Variants in COL23A1 observed in about 807,000 individuals in gnomAD.
The protein encoded by COL23A1 is collagen alpha-1(XXIII) chain.
In COL23A1, 97 loss-of-function variants were observed where a neutral mutation model predicts 99.3. The observed-to-expected ratio is 0.98, with a 90% confidence interval of 0.83 to 1.16. The LOEUF is 1.16. Among genes scored for constraint, COL23A1 ranks in the 50% most tolerant of loss-of-function variants. COL23A1 has a pLI of 0.00. For synonymous variants in COL23A1, 320 were observed against 308.2 expected (o/e 1.04, Z -0.40); for missense variants, 762 against 757.4 (o/e 1.01, Z -0.07).
At position 178,255,080 on chromosome 5, in the gene COL23A1, G is replaced by GTCT; in HGVS notation, c.883-55_883-54insAGA. On this transcript the variant is annotated intron_variant, in intron 15 of 28. Transcript: ENST00000390654. This position sits in a 1 kb window ranked among gnomAD's most constrained non-coding sequence, Gnocchi z 4.2. ...AGGGAAGAGCTACACTGAGTTGGAG[G>GTCT]TGAAGTGGCAGCTGTCCCTGCATCA... 5 of 1,450,606 alleles carry GTCT rather than the reference G, an allele frequency of 3.4e-6. No homozygotes were observed. In the Admixed American group the frequency reaches 8.4e-5, roughly 24 times the overall value. The allele number at this position is 1,450,606 out of a possible 1,614,324, so 89.9% of individuals were successfully genotyped here.
At position 178,331,510 on chromosome 5, in the gene COL23A1, G is replaced by A. The variant is rs76263321; in HGVS notation, c.362-24591C>T. On this transcript the variant is annotated intron_variant, in intron 2 of 28. Coordinates refer to ENST00000390654, the MANE Select transcript of COL23A1 (RefSeq NM_173465.4). ...ATGATGCCCTGCATAGCAGGCACCC[G>A]GCCAGGTGCCTCAGAGCCCTGTAAA... 8.4e-3 allele frequency among the ~76,000 whole-genome samples: 1,274 copies of A among 152,302 alleles called. 17 individuals carry two copies. Among genetic ancestry groups the A allele is most frequent in the African/African-American group, 0.029 (1,212 of 41,566 alleles).
In COL23A1 at chr5:178,358,403, ATG is replaced by A. The variant is rs764160730; in HGVS notation, c.362-51486_362-51485del. ...GTCTAATGTGTGTATGTGTATGTGT[ATG>A]TGTGTATGTGTATGTGTGTGTATGT... On this transcript the variant is annotated intron_variant, in intron 2 of 28. Coordinates refer to ENST00000390654, the MANE Select transcript of COL23A1 (RefSeq NM_173465.4). Among the ~76,000 whole-genome samples the A allele has an allele frequency of 1.3e-3, 139 of 106,312 alleles. No individual in the cohort carries two copies. In the East Asian group the frequency reaches 0.014, roughly 11 times the overall value. The allele number at this position is 106,312 out of a possible 152,430, so 69.7% of individuals were successfully genotyped here. A position where few individuals can be genotyped will look rare whatever the true frequency, so the allele number is the denominator to read the frequency against.
chr5:178,358,753 C>CTGTGTG (rs1338637265), intron 2 of COL23A1, among the ~76,000 whole-genome samples: 2 of 135,054 alleles, frequency 1.5e-5, no homozygotes, highest in African/African-American at 5.6e-5. Flanking sequence ...GTGTGTGTAT[C>CTGTGTG]TGTGTGTGTG....
intron 2 of COL23A1, among the ~76,000 whole-genome samples, chr5:178,343,274 GAAGAGA>G (rs1294178993): frequency 6.6e-6 from 1 of 152,188 alleles, no homozygotes; most frequent in African/African-American, 2.4e-5. Flanking sequence ...CTAAGATCCA[GAAGAGA>G]AAGAGAGTGA....
intron 2 of COL23A1, among the ~76,000 whole-genome samples, chr5:178,411,108 C>T (rs995898305): frequency 1.3e-4 from 20 of 152,098 alleles, no homozygotes; most frequent in South Asian, 2.1e-4. Context: ...TTCACACCCA[C>T]TAGGAAGGTT....
At chr5:178,354,020 G>A (rs1413392544) in intron 2 of COL23A1, among the ~76,000 whole-genome samples, 1 of 152,050 alleles carries the variant, frequency 6.6e-6, no homozygotes, top group Non-Finnish European at 1.5e-5. Context: ...GTTTGCATGA[G>A]CCTAAAACAC....
At chr5:178,502,422 C>T (rs761487581) in intron 2 of COL23A1, among the ~76,000 whole-genome samples, 75 of 152,192 alleles carry the variant, frequency 4.9e-4, no homozygotes, top group Non-Finnish European at 8.7e-4. Flanking sequence ...TGAGCCACTG[C>T]GCCCAGCCAA....
At position 178,448,146 on chromosome 5, in the gene COL23A1, C is replaced by T. The variant is rs375218079; in HGVS notation, c.361+112536G>A. ...TGTTCTGTTAGTGCTAGTCGCAGTCCGTTTTGTTCTGTTAGTGCTAGTCGC... is the reference window on the plus strand; with the variant it reads ...TGTTCTGTTAGTGCTAGTCGCAGTCTGTTTTGTTCTGTTAGTGCTAGTCGC... On this transcript the variant is annotated intron_variant, in intron 2 of 28. Transcript: ENST00000390654. Among the ~76,000 whole-genome samples, 158 of 150,866 alleles carry T rather than the reference C, an allele frequency of 1.0e-3. No homozygotes were observed. In the East Asian group the frequency reaches 0.022, roughly 21 times the overall value.
chr5:178,242,542 T>C (rs1045731557), intron 25 of COL23A1, 148 bp from the exon 26 acceptor site: 23 of 754,574 alleles, frequency 3.0e-5, no homozygotes, highest in Non-Finnish European at 4.1e-5. Flanking sequence ...TAGCTGTAGG[T>C]GATACACTGC....
In COL23A1 at chr5:178,341,093, C is replaced by T. The variant is rs375700625; in HGVS notation, c.362-34174G>A. Among the ~76,000 whole-genome samples the T allele has an allele frequency of 3.9e-3, 598 of 152,230 alleles. 5 individuals are homozygous for T. Among genetic ancestry groups the T allele is most frequent in the African/African-American group, 0.014 (572 of 41,544 alleles). ...GGTGGAGCAGGGCCTGGCTGCATCC[C>T]CCCACTCCCTGTCCAGTGCCTGCCC... is the stretch of plus-strand genomic sequence containing the variant. On this transcript the variant is annotated intron_variant, in intron 2 of 28. Coordinates refer to ENST00000390654, the MANE Select transcript of COL23A1 (RefSeq NM_173465.4).
At chr5:178,319,677 C>T (rs1014862309) in intron 2 of COL23A1, among the ~76,000 whole-genome samples, 2 of 152,206 alleles carry the variant, frequency 1.3e-5, no homozygotes, top group African/African-American at 4.8e-5. Context: ...GGACCAGCGC[C>T]CTCCTGAGGG....
intron 3 of COL23A1, among the ~76,000 whole-genome samples, chr5:178,299,068 G>A (rs1757896631): frequency 6.6e-6 from 1 of 152,062 alleles, no homozygotes; most frequent in African/African-American, 2.4e-5. Flanking sequence ...TTGTATTGTT[G>A]AGGACTTTTA....
chr5:178,273,807 G>A (rs1403406887), intron 5 of COL23A1, among the ~76,000 whole-genome samples: 1 of 152,224 alleles, frequency 6.6e-6, no homozygotes, highest in Non-Finnish European at 1.5e-5. Context: ...CACTGAGGAG[G>A]GGACTCCGAG....
chr5:178,491,240 C>T (rs1324560563), intron 2 of COL23A1, among the ~76,000 whole-genome samples: 1 of 152,072 alleles, frequency 6.6e-6, no homozygotes, highest in African/African-American at 2.4e-5. Flanking sequence ...TCAAGACCTG[C>T]CCCTCATCCT....
At chr5:178,343,098 G>A (rs1760760796) in intron 2 of COL23A1, among the ~76,000 whole-genome samples, 1 of 152,182 alleles carries the variant, frequency 6.6e-6, no homozygotes, top group Non-Finnish European at 1.5e-5. Flanking sequence ...CAAGTGTGAG[G>A]GCATGGCCAA....
In COL23A1 at chr5:178,490,936, C is replaced by T. The variant is rs1757899266; in HGVS notation, c.361+69746G>A. On this transcript the variant is annotated intron_variant, in intron 2 of 28. Coordinates refer to ENST00000390654, the MANE Select transcript of COL23A1 (RefSeq NM_173465.4). Reference sequence around the variant, plus strand: ...AGCTTGACTTTAAAACAACCTCTATCTTCAGGGAAAAGTTATAATTCATTC... The same window carrying T: ...AGCTTGACTTTAAAACAACCTCTATTTTCAGGGAAAAGTTATAATTCATTC... Among the ~76,000 whole-genome samples, 5 of 152,256 alleles carry T rather than the reference C, an allele frequency of 3.3e-5. No homozygotes were observed. In the South Asian group the frequency reaches 8.3e-4, roughly 25 times the overall value.
chr5:178,500,809 CA>C (rs1758486373), intron 2 of COL23A1, among the ~76,000 whole-genome samples: 1 of 151,768 alleles, frequency 6.6e-6, no homozygotes, highest in South Asian at 2.1e-4. Flanking sequence ...GTTCCTTAAA[CA>C]AGAAACAAAA....
At chr5:178,351,878 T>A (rs1761347525) in intron 2 of COL23A1, 1 of 152,088 alleles carries the variant, frequency 6.6e-6, no homozygotes, top group African/African-American at 2.4e-5. Context: ...GGCGCTCTTA[T>A]AAGAAGAGGG....
chr5:178,419,145 C>T (rs1187879862), intron 2 of COL23A1, among the ~76,000 whole-genome samples: 3 of 152,224 alleles, frequency 2.0e-5, no homozygotes, highest in African/African-American at 2.4e-5. Context: ...CGGTGTCTAA[C>T]GTGGCTGTGG....
Sources: gnomAD v4.1 joint callset for allele counts (sites outside exome capture counted in the v4.1 genomes callset) on GRCh38, gnomAD v4.1.1 for gene constraint, Gnocchi (gnomAD v3.1) non-coding constraint, MANE v1.5 for transcripts, NCBI Gene and HGNC (gene_info 2026-07-23, HGNC 2026-07-21) for gene names.